Variants in NRG1 observed in about 807,000 individuals in gnomAD.
NRG1 encodes the protein pro-neuregulin-1, membrane-bound isoform.
Under a neutral mutation model 63.8 loss-of-function variants are expected in NRG1, and 18 were observed. That is an observed-to-expected ratio of 0.28 (90% CI 0.19 to 0.42). NRG1 has a LOEUF of 0.42. Ranked by LOEUF, NRG1 falls within the 10% of genes least tolerant of loss-of-function variation. The probability of loss-of-function intolerance (pLI) is 1.00; values close to 1 mark genes in which losing one functional copy is unlikely to be tolerated. For synonymous variants in NRG1, 302 were observed against 301.3 expected (o/e 1.00, Z -0.02); for missense variants, 762 against 814.7 (o/e 0.94, Z 0.79).
At chr8:32,452,408 G>A (rs1033896925) in intron 1 of NRG1, among the ~76,000 whole-genome samples, 10 of 152,044 alleles carry the variant, frequency 6.6e-5, no homozygotes, top group South Asian at 2.1e-4. Flanking sequence ...TAAAAAAAGA[G>A]GAAAGACAGT....
intron 1 of NRG1, among the ~76,000 whole-genome samples, chr8:32,207,240 A>G (rs1382165074): frequency 6.6e-6 from 1 of 152,122 alleles, no homozygotes; most frequent in Non-Finnish European, 1.5e-5. Flanking sequence ...CAAAAATGCA[A>G]TACTATTATC....
In NRG1 at chr8:32,405,624, C is replaced by T. The variant is rs532711164; in HGVS notation, c.38-190204C>T. Among the ~76,000 whole-genome samples, 37 of 152,242 alleles carry T rather than the reference C, an allele frequency of 2.4e-4. No homozygotes were observed. The South Asian group carries it at 6.4e-3, about 26-fold the overall frequency. ...TGTACAGTCATGTAGAGACAAAATG[C>T]TCATTTATAATTCCAGATACCCCAT... is the stretch of plus-strand genomic sequence containing the variant. On this transcript the variant is annotated intron_variant, in intron 1 of 10. Transcript: ENST00000519301.
intron 1 of NRG1, among the ~76,000 whole-genome samples, chr8:32,318,395 A>T (rs1200810495): frequency 1.3e-5 from 2 of 152,196 alleles, no homozygotes; most frequent in African/African-American, 2.4e-5. Flanking sequence ...CTTTTTGTAG[A>T]ATCAAACATT....
chr8:31,819,535 C>A (rs746747456), intron 1 of NRG1, among the ~76,000 whole-genome samples: 9 of 152,154 alleles, frequency 5.9e-5, no homozygotes, highest in Non-Finnish European at 1.0e-4. Flanking sequence ...AACCTCTTTT[C>A]CCAAACTTTT....
At chr8:31,717,631 T>C (rs959746165) in intron 1 of NRG1, among the ~76,000 whole-genome samples, 5 of 152,162 alleles carry the variant, frequency 3.3e-5, no homozygotes, top group African/African-American at 1.2e-4. Flanking sequence ...CATCCAATGC[T>C]ATTTGCACAG....
At chr8:32,311,851 G>A (rs1430413680) in intron 1 of NRG1, among the ~76,000 whole-genome samples, 1 of 152,176 alleles carries the variant, frequency 6.6e-6, no homozygotes, top group Non-Finnish European at 1.5e-5. Context: ...AAAGCTCAAA[G>A]TCATATCAAT....
intron 9 of NRG1, 92 bp from the exon 10 acceptor site, chr8:32,759,214 A>G: frequency 7.4e-7 from 1 of 1,351,146 alleles, no homozygotes; most frequent in South Asian, 1.6e-5. Flanking sequence ...TGTTTCTGAC[A>G]GTGTTAACGT....
At chr8:31,701,005 C>T (rs561555635) in intron 1 of NRG1, among the ~76,000 whole-genome samples, 7 of 152,262 alleles carry the variant, frequency 4.6e-5, no homozygotes, top group African/African-American at 1.4e-4. Context: ...ATGCGCTTTT[C>T]GCTGCTGGAG....
At chr8:32,489,747 T>A (rs956992089) in intron 1 of NRG1, among the ~76,000 whole-genome samples, 3 of 152,350 alleles carry the variant, frequency 2.0e-5, no homozygotes, top group Admixed American at 2.0e-4. Flanking sequence ...AAATATTATG[T>A]CAGTGGAAAA....
At chr8:32,727,673 C>T (rs916917904) in intron 5 of NRG1, among the ~76,000 whole-genome samples, 1 of 152,134 alleles carries the variant, frequency 6.6e-6, no homozygotes, top group Admixed American at 6.5e-5. Context: ...TTCCAACTAC[C>T]TGGAAGATAA....
intron 1 of NRG1, among the ~76,000 whole-genome samples, chr8:31,926,247 C>A (rs1316627997): frequency 6.6e-6 from 1 of 151,970 alleles, no homozygotes; most frequent in African/African-American, 2.4e-5. Flanking sequence ...GGCCTTTTTT[C>A]TTTATAGGTC....
intron 1 of NRG1, among the ~76,000 whole-genome samples, chr8:31,952,552 A>G (rs996493111): frequency 6.6e-6 from 1 of 151,932 alleles, no homozygotes; most frequent in Non-Finnish European, 1.5e-5. Flanking sequence ...TGTTTAAATA[A>G]TTTTTTTTTC....
intron 2 of NRG1, among the ~76,000 whole-genome samples, chr8:32,605,142 T>C (rs915492004): frequency 6.6e-6 from 1 of 152,214 alleles, no homozygotes; most frequent in Non-Finnish European, 1.5e-5. Flanking sequence ...GTAAGTGTCC[T>C]TAACAGACTT....
At chr8:32,264,786 A>G (rs1216740456) in intron 1 of NRG1, among the ~76,000 whole-genome samples, 2 of 152,078 alleles carry the variant, frequency 1.3e-5, no homozygotes, top group East Asian at 1.9e-4. Context: ...CTGCTCTATT[A>G]GTGGTTCCAA....
chr8:31,818,820 G>A (rs1022776448), intron 1 of NRG1, among the ~76,000 whole-genome samples: 1 of 152,114 alleles, frequency 6.6e-6, no homozygotes, highest in Non-Finnish European at 1.5e-5. Context: ...CACTTTGGGA[G>A]GTCGAGGGGG....
At chr8:32,625,656 G>C (rs183722446) in intron 5 of NRG1, among the ~76,000 whole-genome samples, 37 of 152,064 alleles carry the variant, frequency 2.4e-4, no homozygotes, top group Admixed American at 2.1e-3. Flanking sequence ...ATATAGATAG[G>C]GATAGGCCAA....
intron 1 of NRG1, among the ~76,000 whole-genome samples, chr8:31,983,500 C>T (rs777327204): frequency 2.3e-4 from 35 of 152,148 alleles, no homozygotes; most frequent in African/African-American, 6.0e-4. Context: ...CTACCTCAGC[C>T]TCCAGAGTAA....
intron 1 of NRG1, among the ~76,000 whole-genome samples, chr8:32,227,552 C>T (rs939869007): frequency 5.9e-5 from 9 of 152,140 alleles, no homozygotes; most frequent in African/African-American, 2.2e-4. Flanking sequence ...ATTTTTCAAG[C>T]CGCAGTGAAT....
chr8:32,120,224 G>C (rs1237350530), intron 1 of NRG1, among the ~76,000 whole-genome samples: 1 of 151,948 alleles, frequency 6.6e-6, no homozygotes, highest in Admixed American at 6.6e-5. Flanking sequence ...ATATGTCTTA[G>C]ATTTCTACAT....
Sources: allele counts gnomAD v4.1 joint callset (sites outside exome capture counted in the v4.1 genomes callset), GRCh38; gene constraint gnomAD v4.1.1; transcripts MANE v1.5; gene names NCBI Gene and HGNC (gene_info 2026-07-23, HGNC 2026-07-21).